RAD1: variants seen among roughly 807,000 people sequenced by gnomAD.
The protein encoded by RAD1 is cell cycle checkpoint protein RAD1.
In RAD1, 21 loss-of-function variants were observed where a neutral mutation model predicts 30.0. The ratio of observed to expected loss-of-function variants is 0.70; its 90% confidence interval spans 0.50 to 1.01. The LOEUF is 1.01. Ranked by LOEUF, RAD1 falls within the 50% of genes least tolerant of loss-of-function variation. The pLI, the probability that RAD1 is intolerant of heterozygous loss-of-function variation, is 0.00. For missense variants in RAD1, 329 were observed against 329.0 expected (o/e 1.00, Z 0.00); for synonymous variants, 109 against 113.6 (o/e 0.96, Z 0.26).
chr5:34,909,008 C>A (rs1763749061), intron 5 of RAD1, 60 bp from the exon 6 acceptor site: 1 of 1,376,916 alleles, frequency 7.3e-7, no homozygotes, highest in African/African-American at 1.5e-5. Context: ...TCAGAACTCC[C>A]AAGTAAAGGA....
chr5:34,914,983 A>G, intron 1 of RAD1, 22 bp from the exon 2 acceptor site: 2 of 1,404,220 alleles, frequency 1.4e-6, no homozygotes, highest in Non-Finnish European at 2.0e-6. Flanking sequence ...AGACAGTAAA[A>G]CTCCCATCAG....
intron 5 of RAD1, 85 bp from the exon 6 acceptor site, chr5:34,909,033 T>C (rs1763750005): frequency 1.9e-5 from 24 of 1,270,146 alleles, no homozygotes; most frequent in Middle Eastern, 2.2e-4. Flanking sequence ...AAGTAGCAAA[T>C]CTAAGAATAA....
At chr5:34,909,178 G>T in intron 5 of RAD1, 80 bp downstream of exon 5, 1 of 1,135,172 alleles carries the variant, frequency 8.8e-7, no homozygotes, top group Non-Finnish European at 1.3e-6. Flanking sequence ...TTAACAGATT[G>T]AAAGTGTTTT....
rs766197128 is a variant in RAD1 at position 34,914,695 on chromosome 5, C to T, written c.198G>A (p.Gln66=). ...GGCTTAAAGGCGCCTACTTCCATACCTGAATAAAAGCATTTGCTTGCACAC... is the reference window on the plus strand; with the variant it reads ...GGCTTAAAGGCGCCTACTTCCATACTTGAATAAAAGCATTTGCTTGCACAC... ...AKCVQANAFI[Q]AGIFQEFKVQ... is the part of the protein sequence containing the mutation. The change falls in exon 2 of 6, where the codon CAG becomes CAA. Residue 66 remains glutamine, a splice_region_variant and synonymous_variant. Coordinates refer to ENST00000382038, the MANE Select transcript of RAD1 (RefSeq NM_002853.4). 1.9e-6 allele frequency: 3 copies of T among 1,614,172 alleles called. No homozygotes were observed. The highest frequency in any genetic ancestry group is 2.5e-6 in the Non-Finnish European group (3 of 1,180,012).
In RAD1 at chr5:34,913,625, CTAA is replaced by C. The variant is rs750892007; in HGVS notation, c.199-50_199-48del. 6 of 1,160,774 alleles carry C rather than the reference CTAA, an allele frequency of 5.2e-6. No individual in the cohort carries two copies. The South Asian group carries it at 5.7e-5, about 11-fold the overall frequency. 71.9% of individuals were successfully genotyped at this position (1,160,774 alleles called of 1,614,324 possible). A position where few individuals can be genotyped will look rare whatever the true frequency, so the allele number is the denominator to read the frequency against. On this transcript the variant is annotated intron_variant, in intron 2 of 5. Coordinates refer to ENST00000382038, the MANE Select transcript of RAD1 (RefSeq NM_002853.4). The stretch of plus-strand genomic sequence containing the variant: ...AAATTGTTACATAAAAGAATAAAAA[CTAA>C]TAATATAAGGTCCTAGATTTCACTT...
chr5:34,913,397 T>A, intron 3 of RAD1, 73 bp downstream of exon 3: 1 of 834,422 alleles, frequency 1.2e-6, no homozygotes, highest in South Asian at 2.9e-5. Context: ...ATGTTTATGT[T>A]CCAAATAACT....
chr5:34,911,127 T>G (rs192236), intron 4 of RAD1, among the ~76,000 whole-genome samples: 3 of 152,240 alleles, frequency 2.0e-5, no homozygotes, highest in Admixed American at 6.5e-5. Flanking sequence ...ACACGGTAGG[T>G]GATCAACAGA....
rs1763716437 is a variant in RAD1, at chr5:34,908,280, TCTC to T, written c.*482_*484del. The T allele has an allele frequency of 6.6e-6, 1 of 151,426 alleles. No homozygotes were observed. The highest frequency in any genetic ancestry group is 2.4e-5 in the African/African-American group (1 of 41,094). The allele number at this position is 151,426 out of a possible 1,614,324, so 9.4% of individuals were successfully genotyped here. On this transcript the variant is annotated 3_prime_UTR_variant, in exon 6 of 6. Coordinates refer to ENST00000382038, the MANE Select transcript of RAD1 (RefSeq NM_002853.4). Reference sequence around the variant, plus strand: ...CCTCCGCCTCCCGGGTTCAAGCAATTCTCCTGCCTCAGCCTCCCGAGTAGCTGG... The same window carrying T: ...CCTCCGCCTCCCGGGTTCAAGCAATTCTGCCTCAGCCTCCCGAGTAGCTGG...
In RAD1 at chr5:34,908,226, T is replaced by C. The variant is rs1763714302; in HGVS notation, c.*539A>G. ...TTTGCTCTTATTGCCTAGGCTGGAG[T>C]GCAATGGCGTCATCTCAGCTCACCA... On this transcript the variant is annotated 3_prime_UTR_variant, in exon 6 of 6. Transcript: ENST00000382038. The C allele has an allele frequency of 6.9e-6, 1 of 145,810 alleles. No homozygotes were observed. Among genetic ancestry groups the C allele is most frequent in the South Asian group, 2.2e-4 (1 of 4,612 alleles). The allele number at this position is 145,810 out of a possible 1,614,324, so 9.0% of individuals were successfully genotyped here.
intron 3 of RAD1, 95 bp from the exon 4 acceptor site, chr5:34,911,907 A>T: frequency 1.4e-6 from 2 of 1,397,354 alleles, no homozygotes; most frequent in Admixed American, 2.1e-5. Flanking sequence ...AGAATAATTT[A>T]TTCCGCCCAA....
At position 34,906,588 on chromosome 5, in the gene RAD1, GT is replaced by G. The variant is rs1443180962; in HGVS notation, c.*2176del. 4 of 152,114 alleles carry G rather than the reference GT, an allele frequency of 2.6e-5. No individual in the cohort carries two copies. The highest frequency in any genetic ancestry group is 9.7e-5 in the African/African-American group (4 of 41,418). 9.4% of individuals were successfully genotyped at this position (152,114 alleles called of 1,614,324 possible). The stretch of plus-strand genomic sequence containing the variant: ...TAGGAGATTGAGGCTGGAGTGAACT[GT>G]AATCCTACAACTGTACTCCAGCCTG... On this transcript the variant is annotated 3_prime_UTR_variant, in exon 6 of 6. Transcript: ENST00000382038.
chr5:34,913,919 A>G (rs1487468849), intron 2 of RAD1: 1 of 456,068 alleles, frequency 2.2e-6, no homozygotes, highest in African/African-American at 2.0e-5. Context: ...GGGTCTCACT[A>G]TGATTACCCA....
Position 34,908,550 on chromosome 5 carries a change from A to T in RAD1, c.*215T>A, listed in dbSNP as rs1163883275. The T allele has an allele frequency of 4.5e-6, 2 of 444,134 alleles. No homozygotes were observed. Among genetic ancestry groups the T allele is most frequent in the Non-Finnish European group, 8.0e-6 (2 of 249,500 alleles). The allele number at this position is 444,134 out of a possible 1,614,324, so 27.5% of individuals were successfully genotyped here. ...ACAGAACTAAAGGACAGTCCTGAAT[A>T]ATCTATGACTACAGGAAAACATTTA... On this transcript the variant is annotated 3_prime_UTR_variant, in exon 6 of 6. Transcript: ENST00000382038.
At chr5:34,911,002 T>G (rs1369352452) in intron 4 of RAD1, among the ~76,000 whole-genome samples, 1 of 152,204 alleles carries the variant, frequency 6.6e-6, no homozygotes, top group Non-Finnish European at 1.5e-5. Flanking sequence ...ATACAGCATT[T>G]CCCAGGTATC....
At chr5:34,909,400 A>G in intron 4 of RAD1, 44 bp from the exon 5 acceptor site, 3 of 1,367,748 alleles carry the variant, frequency 2.2e-6, no homozygotes, top group Non-Finnish European at 3.1e-6. Flanking sequence ...TCCAAAAATA[A>G]ACCACATTAG....
rs1199378037 is a variant in RAD1, at chr5:34,907,839, C to G, written c.*926G>C. 1 of 152,124 alleles carries G rather than the reference C, an allele frequency of 6.6e-6. No individual in the cohort carries two copies. Among genetic ancestry groups the G allele is most frequent in the Non-Finnish European group, 1.5e-5 (1 of 68,026 alleles). 9.4% of individuals were successfully genotyped at this position (152,124 alleles called of 1,614,324 possible). ...AACTTCAGAACATTTGCAAGGAAAT[C>G]ACATGTAAAAGCAATCATCTCATAC... On this transcript the variant is annotated 3_prime_UTR_variant, in exon 6 of 6. Transcript: ENST00000382038.
chr5:34,911,910 C>T, intron 3 of RAD1, 98 bp from the exon 4 acceptor site: 1 of 1,393,180 alleles, frequency 7.2e-7, no homozygotes, highest in Admixed American at 2.1e-5. Context: ...ATAATTTATT[C>T]CGCCCAATTT....
rs761350902 is a variant in RAD1 at position 34,909,274 on chromosome 5, G to C, written c.649C>G (p.Gln217Glu). 11 of 1,608,840 alleles carry C rather than the reference G, an allele frequency of 6.8e-6. No homozygotes were observed. The highest frequency in any genetic ancestry group is 9.4e-6 in the Non-Finnish European group (11 of 1,175,808). Residue 217 changes from glutamine to glutamate, a missense_variant, in exon 5 of 6, where the codon CAG becomes GAG. By Grantham distance (29) the Gln-to-Glu change is conservative. Coordinates refer to ENST00000382038, the MANE Select transcript of RAD1 (RefSeq NM_002853.4). ...SDLMEAFHCN[Q>E]TQVNRYKISL... ...AGAACTGACCTGTTGACTTGGGTCTGATTACAATGAAATGCTTCCATCAAA... is the reference window on the plus strand; with the variant it reads ...AGAACTGACCTGTTGACTTGGGTCTCATTACAATGAAATGCTTCCATCAAA...
intron 3 of RAD1, among the ~76,000 whole-genome samples, chr5:34,912,955 T>C (rs1366349200): frequency 2.0e-5 from 3 of 152,200 alleles, no homozygotes; most frequent in Admixed American, 2.0e-4. Flanking sequence ...GAGCTGAGAC[T>C]GTGCCATTGT....
Sources: gnomAD v4.1 joint callset for allele counts (sites outside exome capture counted in the v4.1 genomes callset) on GRCh38, gnomAD v4.1.1 for gene constraint, MANE v1.5 for transcripts, NCBI Gene and HGNC (gene_info 2026-07-23, HGNC 2026-07-21) for gene names.